RPH3A: variants seen among roughly 807,000 people sequenced by gnomAD.
RPH3A encodes the protein rabphilin 3A.
In RPH3A, 48 loss-of-function variants were observed where a neutral mutation model predicts 102.2. The observed-to-expected ratio is 0.47, with a 90% CI of 0.37 to 0.60. RPH3A has a LOEUF of 0.60. Among genes scored for constraint, RPH3A ranks in the 20% least tolerant of loss-of-function variants. The probability of loss-of-function intolerance (pLI) is 0.00; values close to 1 mark genes in which losing one functional copy is unlikely to be tolerated. For missense variants in RPH3A, 781 were observed against 910.1 expected, an observed-to-expected ratio of 0.86 and a Z score of 1.83; for synonymous variants, 310 against 324.3, an observed-to-expected ratio of 0.96 and a Z score of 0.47.
chr12:112,731,609 C>T (rs894170178), intron 1 of RPH3A, among the ~76,000 whole-genome samples: 1 of 152,232 alleles, frequency 6.6e-6, no homozygotes, highest in Admixed American at 6.5e-5. Flanking sequence ...AGGCCCTCAA[C>T]AGCCTCCTGG....
chr12:112,612,201 C>A (rs1357961378), intron 1 of RPH3A, among the ~76,000 whole-genome samples: 1 of 152,156 alleles, frequency 6.6e-6, no homozygotes, highest in Non-Finnish European at 1.5e-5. Flanking sequence ...GGAATTACTC[C>A]AGGAGGCCTT....
At chr12:112,721,248 C>T (rs140767626) in intron 1 of RPH3A, among the ~76,000 whole-genome samples, 156 of 152,256 alleles carry the variant, frequency 1.0e-3, no homozygotes, top group African/African-American at 3.6e-3. Flanking sequence ...TGACATTAGC[C>T]GCCATGAAAA....
chr12:112,598,283 A>C (rs1368014582), intron 1 of RPH3A, among the ~76,000 whole-genome samples: 3 of 152,216 alleles, frequency 2.0e-5, no homozygotes, highest in African/African-American at 4.8e-5. Flanking sequence ...GACCTTCTCT[A>C]TCCACTGACT....
intron 16 of RPH3A, among the ~76,000 whole-genome samples, chr12:112,885,563 G>T (rs1440505579): frequency 6.6e-6 from 1 of 152,120 alleles, no homozygotes; most frequent in African/African-American, 2.4e-5. Context: ...ACAATATTGT[G>T]ACAAACATCT....
chr12:112,881,000 G>A (rs1248341998), intron 14 of RPH3A, among the ~76,000 whole-genome samples: 1 of 152,154 alleles, frequency 6.6e-6, no homozygotes, highest in Non-Finnish European at 1.5e-5. Flanking sequence ...TGCTGTCTCA[G>A]GGGTGGCAGA....
At chr12:112,797,250 C>G (rs1308608518) in intron 2 of RPH3A, among the ~76,000 whole-genome samples, 3 of 152,116 alleles carry the variant, frequency 2.0e-5, no homozygotes. Flanking sequence ...TGCTTTGGAG[C>G]GAGTTAATGC....
At chr12:112,758,089 G>C (rs542740287) in intron 1 of RPH3A, among the ~76,000 whole-genome samples, 17 of 152,296 alleles carry the variant, frequency 1.1e-4, no homozygotes, top group African/African-American at 3.8e-4. Context: ...GTTCCACCAA[G>C]GCATGAAGTA....
intron 21 of RPH3A, 129 bp from the exon 22 acceptor site, chr12:112,896,521 C>T: frequency 9.5e-7 from 1 of 1,054,708 alleles, no homozygotes; most frequent in Non-Finnish European, 1.4e-6. Context: ...TATAACAACT[C>T]TCTATAGAGT....
chr12:112,605,811 G>C (rs1462488054), intron 1 of RPH3A, among the ~76,000 whole-genome samples: 3 of 152,246 alleles, frequency 2.0e-5, no homozygotes, highest in Non-Finnish European at 4.4e-5. Context: ...GAGGCAGTGG[G>C]CTCTGAGTGA....
intron 1 of RPH3A, among the ~76,000 whole-genome samples, chr12:112,699,566 A>C (rs2040377796): frequency 6.6e-6 from 1 of 152,252 alleles, no homozygotes; most frequent in South Asian, 2.1e-4. Flanking sequence ...AACTGTAGAA[A>C]AAGCAAAACC....
In RPH3A at chr12:112,898,414, C is replaced by T. The variant is rs2043221126; in HGVS notation, c.*1634C>T. ...GAAGCATCAGACAGATACTCAAACT[C>T]TCACTTTCCCCAAATCACATCTCTT... On this transcript the variant is annotated 3_prime_UTR_variant, in exon 22 of 22. Coordinates refer to ENST00000389385, the MANE Select transcript of RPH3A (RefSeq NM_001143854.2). 1 of 152,192 alleles carries T rather than the reference C, an allele frequency of 6.6e-6. No individual in the cohort carries two copies. The highest frequency in any genetic ancestry group is 2.4e-5 in the African/African-American group (1 of 41,432). The allele number at this position is 152,192 out of a possible 1,614,324, so 9.4% of individuals were successfully genotyped here.
intron 1 of RPH3A, among the ~76,000 whole-genome samples, chr12:112,578,778 G>A (rs1711782102): frequency 6.6e-6 from 1 of 152,198 alleles, no homozygotes. Flanking sequence ...ACTGAAGCAG[G>A]CAGAGCCAGA....
intron 5 of RPH3A, among the ~76,000 whole-genome samples, chr12:112,864,222 G>A (rs1003003390): frequency 7.2e-5 from 11 of 152,182 alleles, no homozygotes; most frequent in African/African-American, 2.2e-4. Context: ...GGAGGCCAAG[G>A]CAGGTGGATC....
chr12:112,896,932 A>G lies in RPH3A; in HGVS notation c.*152A>G, dbSNP rs371016635. The G allele has an allele frequency of 5.4e-6, 4 of 746,700 alleles. No individual in the cohort carries two copies. The highest frequency in any genetic ancestry group is 1.9e-5 in the South Asian group (1 of 53,502). 46.3% of individuals were successfully genotyped at this position (746,700 alleles called of 1,614,324 possible). A position where few individuals can be genotyped will look rare whatever the true frequency, so the allele number is the denominator to read the frequency against. On this transcript the variant is annotated 3_prime_UTR_variant, in exon 22 of 22. Transcript: ENST00000389385. ...CCTTTGAGCCCCCGTCACGTTGGGC[A>G]CTGCTGCCAAAGACTCCCTCCTCCC...
intron 5 of RPH3A, among the ~76,000 whole-genome samples, chr12:112,865,068 A>T (rs1356914636): frequency 6.6e-6 from 1 of 152,224 alleles, no homozygotes; most frequent in Admixed American, 6.5e-5. Context: ...ACATCCAAGT[A>T]AAGGCATGAT....
chr12:112,761,086 A>C (rs553095852), intron 1 of RPH3A, among the ~76,000 whole-genome samples: 1 of 152,200 alleles, frequency 6.6e-6, no homozygotes, highest in South Asian at 2.1e-4. Flanking sequence ...AGGTATGAGG[A>C]ACCTTGGAAT....
chr12:112,641,664 C>T (rs2135991848), intron 1 of RPH3A, among the ~76,000 whole-genome samples: 1 of 152,270 alleles, frequency 6.6e-6, no homozygotes, highest in East Asian at 1.9e-4. Flanking sequence ...TCCCAAAGTG[C>T]TGGGATTACA....
chr12:112,725,537 T>C (rs1304109087), intron 1 of RPH3A, among the ~76,000 whole-genome samples: 1 of 152,118 alleles, frequency 6.6e-6, no homozygotes, highest in African/African-American at 2.4e-5. Flanking sequence ...ATCTTTGCTC[T>C]AGTAACATCT....
intron 1 of RPH3A, among the ~76,000 whole-genome samples, chr12:112,729,704 A>C (rs1244150311): frequency 6.6e-6 from 1 of 152,176 alleles, no homozygotes; most frequent in Non-Finnish European, 1.5e-5. Flanking sequence ...CTGCAGTTTT[A>C]CCCATACCAC....
Sources: allele counts gnomAD v4.1 joint callset (sites outside exome capture counted in the v4.1 genomes callset), GRCh38; gene constraint gnomAD v4.1.1; transcripts MANE v1.5; gene names NCBI Gene and HGNC (gene_info 2026-07-23, HGNC 2026-07-21).